The following CLSTN2 variants were observed in gnomAD, a reference collection of about 807,000 sequenced individuals.
CLSTN2 encodes the protein calsyntenin 2, also known as calsyntenin-2.
Under a neutral mutation model 101.2 loss-of-function variants are expected in CLSTN2, and 48 were observed. The observed-to-expected ratio is 0.47, with a 90% CI of 0.38 to 0.60. CLSTN2 has a LOEUF of 0.60. Among genes scored for constraint, CLSTN2 ranks in the 20% least tolerant of loss-of-function variants. The pLI is 0.00. For synonymous variants in CLSTN2, 481 were observed against 463.6 expected, an observed-to-expected ratio of 1.04 and a Z score of -0.48; for missense variants, 1,160 against 1,238.2, an observed-to-expected ratio of 0.94 and a Z score of 0.95.
At chr3:140,086,466 G>A (rs936025765) in intron 1 of CLSTN2, among the ~76,000 whole-genome samples, 2 of 152,184 alleles carry the variant, frequency 1.3e-5, no homozygotes, top group African/African-American at 4.8e-5. Context: ...TAGGGCTTTT[G>A]TATGGATTGA....
intron 4 of CLSTN2, among the ~76,000 whole-genome samples, chr3:140,417,313 T>C (rs2088443293): frequency 6.6e-6 from 1 of 152,190 alleles, no homozygotes; most frequent in African/African-American, 2.4e-5. Flanking sequence ...GTCAGGCTAT[T>C]TTTCAGTGCA....
chr3:140,045,763 A>C (rs192272494), intron 1 of CLSTN2, among the ~76,000 whole-genome samples: 1 of 152,192 alleles, frequency 6.6e-6, no homozygotes, highest in East Asian at 1.9e-4. Context: ...TTCTGCCTTC[A>C]TTTCGTTATG....
At chr3:140,186,846 G>A (rs73226959) in intron 2 of CLSTN2, among the ~76,000 whole-genome samples, 5,948 of 152,116 alleles carry the variant, frequency 0.039, 169 homozygotes, top group Non-Finnish European at 0.062. Flanking sequence ...ATGGAAAGGT[G>A]AATCCCAGTG....
At chr3:140,321,019 G>A (rs1361717995) in intron 2 of CLSTN2, among the ~76,000 whole-genome samples, 1 of 152,296 alleles carries the variant, frequency 6.6e-6, no homozygotes, top group South Asian at 2.1e-4. Flanking sequence ...GATGTGCTGG[G>A]AGTATCAAGG....
chr3:140,081,313 G>T (rs1023666524), intron 1 of CLSTN2, among the ~76,000 whole-genome samples: 5 of 152,218 alleles, frequency 3.3e-5, no homozygotes, highest in African/African-American at 1.2e-4. Context: ...GCAATGGAAA[G>T]TTTAATTTCT....
intron 1 of CLSTN2, among the ~76,000 whole-genome samples, chr3:140,164,013 T>A (rs1210614421): frequency 1.3e-5 from 2 of 152,088 alleles, no homozygotes; most frequent in Non-Finnish European, 2.9e-5. Flanking sequence ...GATATTGAAG[T>A]AATAACAATC....
At chr3:140,387,745 T>C (rs1337159190) in intron 2 of CLSTN2, among the ~76,000 whole-genome samples, 1 of 152,256 alleles carries the variant, frequency 6.6e-6, no homozygotes, top group Admixed American at 6.5e-5. Context: ...TTTAGCACTT[T>C]ATGGAGTGAA....
At chr3:140,070,477 G>GA (rs1202592985) in intron 1 of CLSTN2, among the ~76,000 whole-genome samples, 1 of 152,068 alleles carries the variant, frequency 6.6e-6, no homozygotes, top group African/African-American at 2.4e-5. Flanking sequence ...TAAACAAATA[G>GA]AAAAACAGAC....
chr3:139,941,705 G>A (rs1204314768), intron 1 of CLSTN2, among the ~76,000 whole-genome samples: 4 of 152,138 alleles, frequency 2.6e-5, no homozygotes, highest in Admixed American at 2.6e-4. Flanking sequence ...CAGGGGCAGG[G>A]GTTTGCACTG....
At chr3:140,456,132 C>A (rs965418393) in intron 6 of CLSTN2, among the ~76,000 whole-genome samples, 6 of 152,200 alleles carry the variant, frequency 3.9e-5, no homozygotes, top group African/African-American at 1.4e-4. Context: ...GAGAGCTGGG[C>A]CTGCTTCTAG....
At chr3:140,415,486 CAAAAAAAAAAA>C (rs751616049) in intron 4 of CLSTN2, among the ~76,000 whole-genome samples, 13 of 56,874 alleles carry the variant, frequency 2.3e-4, no homozygotes, top group African/African-American at 7.7e-4. Flanking sequence ...CACAAAATAG[CAAAAAAAAAAA>C]AAAAAAAAAA....
chr3:140,117,326 G>A (rs1236391972), intron 1 of CLSTN2, among the ~76,000 whole-genome samples: 1 of 152,218 alleles, frequency 6.6e-6, no homozygotes, highest in Non-Finnish European at 1.5e-5. Flanking sequence ...CACATGGGGT[G>A]AGGGTCACAG....
chr3:140,196,336 G>A (rs1411415073), intron 2 of CLSTN2, among the ~76,000 whole-genome samples: 2 of 152,170 alleles, frequency 1.3e-5, no homozygotes, highest in Admixed American at 6.5e-5. Flanking sequence ...GAAACAGGAG[G>A]GCTAAGGTGC....
At chr3:140,421,076 A>G (rs200716972) in intron 4 of CLSTN2, 49 bp from the exon 5 acceptor site, 3 of 1,585,756 alleles carry the variant, frequency 1.9e-6, no homozygotes, top group East Asian at 2.2e-5. Context: ...GAGAAGTACA[A>G]GTGCAGTTAA....
intron 10 of CLSTN2, among the ~76,000 whole-genome samples, chr3:140,555,719 A>G (rs1038736180): frequency 2.6e-5 from 4 of 152,204 alleles, no homozygotes; most frequent in Non-Finnish European, 2.9e-5. Context: ...GTCAAAGTCA[A>G]TAATTCAGGG....
intron 8 of CLSTN2, among the ~76,000 whole-genome samples, chr3:140,524,518 G>GTGTT (rs1935098044): frequency 6.6e-6 from 1 of 152,302 alleles, no homozygotes; most frequent in South Asian, 2.1e-4. Context: ...CCCACTGACA[G>GTGTT]TGTTAGTCAG....
At chr3:140,222,845 C>T (rs1238372608) in intron 2 of CLSTN2, among the ~76,000 whole-genome samples, 1 of 144,778 alleles carries the variant, frequency 6.9e-6, no homozygotes, top group Non-Finnish European at 1.5e-5. Context: ...CTACTACACA[C>T]CCATAGAAAT....
chr3:140,263,365 G>A (rs1559822773), intron 2 of CLSTN2, among the ~76,000 whole-genome samples: 3 of 152,162 alleles, frequency 2.0e-5, no homozygotes, highest in Non-Finnish European at 4.4e-5. Context: ...ATGTGGAATG[G>A]TGGGATTGGT....
intron 1 of CLSTN2, among the ~76,000 whole-genome samples, chr3:140,164,540 A>G (rs992550042): frequency 1.3e-5 from 2 of 152,206 alleles, no homozygotes; most frequent in Admixed American, 1.3e-4. Context: ...AGACTTAACT[A>G]AAATATCCTG....
Sources: gnomAD v4.1 joint callset for allele counts (sites outside exome capture counted in the v4.1 genomes callset) on GRCh38, gnomAD v4.1.1 for gene constraint, MANE v1.5 for transcripts, NCBI Gene and HGNC (gene_info 2026-07-23, HGNC 2026-07-21) for gene names.